RGS6: variants seen among roughly 807,000 people sequenced by gnomAD.
RGS6 encodes the protein regulator of G protein signaling 6.
Under a neutral mutation model 78.5 loss-of-function variants are expected in RGS6, and 30 were observed. The ratio of observed to expected loss-of-function variants is 0.38; its 90% CI spans 0.29 to 0.52. The LOEUF is 0.52. Ranked by LOEUF, RGS6 falls within the 20% of genes least tolerant of loss-of-function variation. RGS6 has a pLI of 0.85. For missense variants in RGS6, 495 were observed against 609.7 expected, an observed-to-expected ratio of 0.81 and a Z score of 1.98; for synonymous variants, 206 against 206.0, an observed-to-expected ratio of 1.00 and a Z score of 0.00.
the RGS6 span, among the ~76,000 whole-genome samples, chr14:71,874,666 C>A: frequency 6.6e-6 from 1 of 152,216 alleles, no homozygotes; most frequent in Non-Finnish European, 1.5e-5. Flanking sequence ...CTGGCTAGAA[C>A]TTCCAACACT....
intron 2 of RGS6, among the ~76,000 whole-genome samples, chr14:72,288,328 G>C (rs528043081): frequency 6.6e-6 from 1 of 152,138 alleles, no homozygotes; most frequent in African/African-American, 2.4e-5. Flanking sequence ...ATGGCTTCTG[G>C]AATATCACCA....
At chr14:72,426,719 G>GTC (rs1203315834) in intron 3 of RGS6, among the ~76,000 whole-genome samples, 13 of 152,334 alleles carry the variant, frequency 8.5e-5, no homozygotes, top group Non-Finnish European at 1.5e-4. Flanking sequence ...ATTTGATGAA[G>GTC]TCTCTCTTAA....
chr14:72,172,462 A>C (rs1301250066), intron 2 of RGS6, among the ~76,000 whole-genome samples: 1 of 152,052 alleles, frequency 6.6e-6, no homozygotes, highest in Non-Finnish European at 1.5e-5. Flanking sequence ...ACACACACCC[A>C]TACTTATATG....
At chr14:71,880,991 G>T in the RGS6 span, among the ~76,000 whole-genome samples, 1 of 152,240 alleles carries the variant, frequency 6.6e-6, no homozygotes, top group Non-Finnish European at 1.5e-5. Context: ...GGGTGGAGCA[G>T]CCCAAGACTG....
intron 1 of RGS6, among the ~76,000 whole-genome samples, chr14:71,953,524 C>T (rs180919683): frequency 1.0e-3 from 156 of 151,580 alleles, no homozygotes; most frequent in Non-Finnish European, 1.5e-3. Flanking sequence ...CAATTCTTAG[C>T]AAAGAGATCA....
chr14:72,331,030 G>A (rs1420947856), intron 2 of RGS6, among the ~76,000 whole-genome samples: 5 of 152,112 alleles, frequency 3.3e-5, no homozygotes, highest in African/African-American at 9.7e-5. Context: ...GAGGGCTTTC[G>A]GCCGAGTCCC....
intron 3 of RGS6, among the ~76,000 whole-genome samples, chr14:72,417,310 C>T (rs946426304): frequency 6.6e-6 from 1 of 152,202 alleles, no homozygotes; most frequent in Admixed American, 6.5e-5. Context: ...CCCACCAAGT[C>T]AGCCTAGGAG....
At chr14:72,209,725 T>C (rs1267135856) in intron 2 of RGS6, among the ~76,000 whole-genome samples, 2 of 152,184 alleles carry the variant, frequency 1.3e-5, no homozygotes, top group Non-Finnish European at 2.9e-5. Flanking sequence ...CCCTGACTTC[T>C]CCTTTCGTTC....
the RGS6 span, among the ~76,000 whole-genome samples, chr14:72,615,168 C>T: frequency 1.3e-4 from 20 of 152,262 alleles, no homozygotes; most frequent in African/African-American, 3.8e-4. Context: ...AGCACTTCCA[C>T]GACAGGCTAA....
At chr14:72,201,125 G>A (rs533066130) in intron 2 of RGS6, among the ~76,000 whole-genome samples, 6 of 152,284 alleles carry the variant, frequency 3.9e-5, no homozygotes, top group East Asian at 3.9e-4. Flanking sequence ...GGGAGCCCGC[G>A]TTGGAAAGCA....
At chr14:71,987,663 G>C (rs1431672455) in intron 2 of RGS6, among the ~76,000 whole-genome samples, 1 of 151,968 alleles carries the variant, frequency 6.6e-6, no homozygotes, top group Non-Finnish European at 1.5e-5. Flanking sequence ...GGGACTACAG[G>C]CATGCACCAC....
intron 2 of RGS6, among the ~76,000 whole-genome samples, chr14:72,120,748 C>T (rs375074722): frequency 3.9e-5 from 6 of 151,966 alleles, no homozygotes; most frequent in African/African-American, 9.7e-5. Flanking sequence ...ACATGTAAAA[C>T]GAATCTAGGG....
At chr14:72,402,610 G>T (rs576784922) in intron 3 of RGS6, among the ~76,000 whole-genome samples, 2 of 152,020 alleles carry the variant, frequency 1.3e-5, no homozygotes, top group East Asian at 3.9e-4. Context: ...AATAACAAAT[G>T]CTGACAAGGA....
chr14:72,268,050 T>G (rs536532692), intron 2 of RGS6, among the ~76,000 whole-genome samples: 12 of 152,368 alleles, frequency 7.9e-5, no homozygotes, highest in African/African-American at 2.4e-4. Flanking sequence ...TGCCTTCATG[T>G]CCTCGCAATT....
intron 2 of RGS6, among the ~76,000 whole-genome samples, chr14:72,279,813 A>G (rs2061289442): frequency 6.6e-6 from 1 of 152,208 alleles, no homozygotes; most frequent in South Asian, 2.1e-4. Flanking sequence ...TATTAAGTAT[A>G]GGGTATAGAA....
intron 3 of RGS6, among the ~76,000 whole-genome samples, chr14:72,384,011 T>A (rs926855253): frequency 6.6e-6 from 1 of 152,192 alleles, no homozygotes; most frequent in Non-Finnish European, 1.5e-5. Flanking sequence ...CATATTATAT[T>A]CTACATGGAC....
chr14:72,384,117 A>T (rs1416471235), intron 3 of RGS6, among the ~76,000 whole-genome samples: 2 of 152,204 alleles, frequency 1.3e-5, no homozygotes, highest in African/African-American at 4.8e-5. Context: ...ACAGGGTGGA[A>T]CTGGGCACAG....
chr14:72,553,448 C>T (rs1171480769), intron 17 of RGS6: 1 of 152,544 alleles, frequency 6.6e-6, no homozygotes, highest in East Asian at 1.9e-4. Context: ...ATCTGTTTGT[C>T]CATGGCATCG....
intron 3 of RGS6, among the ~76,000 whole-genome samples, chr14:72,382,153 A>C (rs2086311377): frequency 1.3e-5 from 2 of 152,138 alleles, no homozygotes; most frequent in African/African-American, 4.8e-5. Flanking sequence ...AGATCTATTA[A>C]AGTAAAAAGA....
Sources: gnomAD v4.1 joint callset for allele counts (sites outside exome capture counted in the v4.1 genomes callset) on GRCh38, gnomAD v4.1.1 for gene constraint, MANE v1.5 for transcripts, NCBI Gene and HGNC (gene_info 2026-07-23, HGNC 2026-07-21) for gene names.